The following PDZD2 variants were observed in gnomAD, a reference collection of about 807,000 sequenced individuals.
PDZD2 encodes the protein PDZ domain containing 2.
In PDZD2, 90 loss-of-function variants were observed where a neutral mutation model predicts 220.7. The ratio of observed to expected loss-of-function variants is 0.41; its 90% CI spans 0.34 to 0.49. The LOEUF is 0.49. Ranked by LOEUF, PDZD2 falls within the 20% of genes least tolerant of loss-of-function variation. PDZD2 has a pLI of 0.28. For missense variants in PDZD2, 3,174 were observed against 3,608.5 expected (o/e 0.88, Z 3.08); for synonymous variants, 1,375 against 1,450.5 (o/e 0.95, Z 1.18).
chr5:32,105,326 T>C (rs748943148), intron 24 of PDZD2, among the ~76,000 whole-genome samples: 4 of 152,108 alleles, frequency 2.6e-5, no homozygotes, highest in Non-Finnish European at 5.9e-5. Flanking sequence ...ATTAGAAATA[T>C]TATAAATCAT....
At chr5:31,955,444 G>A (rs1286433006) in intron 2 of PDZD2, among the ~76,000 whole-genome samples, 1 of 151,962 alleles carries the variant, frequency 6.6e-6, no homozygotes, top group African/African-American at 2.4e-5. Context: ...GGGATTACAG[G>A]CATGCACCAC....
At chr5:31,685,269 T>C (rs927835874) in intron 1 of PDZD2, among the ~76,000 whole-genome samples, 2 of 152,042 alleles carry the variant, frequency 1.3e-5, no homozygotes, top group African/African-American at 4.8e-5. Flanking sequence ...TTACATTGAG[T>C]TTATAGATTA....
At chr5:31,872,629 G>A (rs1306794488) in intron 2 of PDZD2, among the ~76,000 whole-genome samples, 1 of 152,060 alleles carries the variant, frequency 6.6e-6, no homozygotes, top group Non-Finnish European at 1.5e-5. Flanking sequence ...ACATTGTTAC[G>A]AACATTGTAT....
intron 1 of PDZD2, among the ~76,000 whole-genome samples, chr5:31,734,163 C>G (rs751536567): frequency 4.6e-5 from 7 of 152,092 alleles, no homozygotes; most frequent in African/African-American, 7.2e-5. Context: ...ATAAAGGATA[C>G]AGATGAACAG....
chr5:31,943,230 C>T (rs1191865763), intron 2 of PDZD2, among the ~76,000 whole-genome samples: 4 of 151,452 alleles, frequency 2.6e-5, no homozygotes, highest in African/African-American at 9.7e-5. Context: ...GAGACAAAAT[C>T]GATTTTGGCT....
At chr5:31,795,349 A>G (rs1753965241) in intron 1 of PDZD2, among the ~76,000 whole-genome samples, 1 of 152,250 alleles carries the variant, frequency 6.6e-6, no homozygotes, top group Non-Finnish European at 1.5e-5. Context: ...ACACCATATC[A>G]GTAAATTATC....
intron 2 of PDZD2, among the ~76,000 whole-genome samples, chr5:31,881,623 C>T (rs1739934682): frequency 6.6e-6 from 1 of 151,684 alleles, no homozygotes; most frequent in African/African-American, 2.4e-5. Context: ...GGCGATCCAC[C>T]CACCTCAGCT....
intron 2 of PDZD2, among the ~76,000 whole-genome samples, chr5:31,924,561 C>A (rs530685744): frequency 1.1e-4 from 16 of 152,162 alleles, no homozygotes; most frequent in African/African-American, 3.9e-4. Flanking sequence ...TCACGTTTGG[C>A]GTGTGTTGCC....
At chr5:32,019,006 A>G (rs2112126455) in intron 6 of PDZD2, among the ~76,000 whole-genome samples, 1 of 152,268 alleles carries the variant, frequency 6.6e-6, no homozygotes, top group East Asian at 1.9e-4. Context: ...ATTGCCTGGA[A>G]AACTGCTGAA....
intron 1 of PDZD2, chr5:31,787,661 A>T (rs1753457895): frequency 6.6e-6 from 1 of 151,550 alleles, no homozygotes; most frequent in African/African-American, 2.4e-5. Context: ...AAATTGAAGG[A>T]TCTTGGGCCT....
chr5:31,980,507 C>G (rs1360863664), intron 2 of PDZD2, among the ~76,000 whole-genome samples: 3 of 152,186 alleles, frequency 2.0e-5, no homozygotes, highest in African/African-American at 7.2e-5. Context: ...TAGGTCAAAG[C>G]CAGAATGAGG....
At chr5:31,766,662 G>A (rs1437831591) in intron 1 of PDZD2, among the ~76,000 whole-genome samples, 1 of 152,072 alleles carries the variant, frequency 6.6e-6, no homozygotes, top group Non-Finnish European at 1.5e-5. Flanking sequence ...AAAGTGCTGG[G>A]ATTACAGGTG....
chr5:31,727,449 G>A (rs1004048276), intron 1 of PDZD2, among the ~76,000 whole-genome samples: 21 of 151,666 alleles, frequency 1.4e-4, no homozygotes, highest in African/African-American at 5.1e-4. Flanking sequence ...GCTCACGCCT[G>A]TAATCCCAGC....
At chr5:31,872,992 ATAAT>A (rs1409167941) in intron 2 of PDZD2, among the ~76,000 whole-genome samples, 3 of 152,150 alleles carry the variant, frequency 2.0e-5, no homozygotes, top group Non-Finnish European at 1.5e-5. Flanking sequence ...AAATATATAA[ATAAT>A]CTAGTTTTGT....
chr5:31,696,235 G>A (rs187764690), intron 1 of PDZD2, among the ~76,000 whole-genome samples: 3 of 152,264 alleles, frequency 2.0e-5, no homozygotes, highest in East Asian at 3.9e-4. Flanking sequence ...ATGAGTGAGC[G>A]AATGAATGAA....
chr5:31,821,905 T>C (rs111294519), intron 2 of PDZD2, among the ~76,000 whole-genome samples: 1,591 of 151,744 alleles, frequency 0.01, 30 homozygotes, highest in African/African-American at 0.037. Flanking sequence ...CCGTGTGTTC[T>C]CATTGTTCAA....
chr5:31,669,985 C>T (rs1746153558), intron 1 of PDZD2, among the ~76,000 whole-genome samples: 1 of 152,196 alleles, frequency 6.6e-6, no homozygotes. Context: ...CAAGCAGGCA[C>T]TATTAATGTT....
At chr5:31,893,339 G>A (rs1014991657) in intron 2 of PDZD2, among the ~76,000 whole-genome samples, 2 of 152,198 alleles carry the variant, frequency 1.3e-5, no homozygotes, top group Non-Finnish European at 2.9e-5. Flanking sequence ...GGGAGACCAA[G>A]GTGGGCGGAT....
intron 1 of PDZD2, among the ~76,000 whole-genome samples, chr5:31,774,361 G>A (rs1752509632): frequency 6.6e-6 from 1 of 152,018 alleles, no homozygotes; most frequent in Non-Finnish European, 1.5e-5. Flanking sequence ...CCAAAAAGTT[G>A]ATCATTGTGC....
Sources: gnomAD v4.1 joint callset for allele counts (sites outside exome capture counted in the v4.1 genomes callset) on GRCh38, gnomAD v4.1.1 for gene constraint, MANE v1.5 for transcripts, NCBI Gene and HGNC (gene_info 2026-07-23, HGNC 2026-07-21) for gene names.